Variants in LARS2 observed in about 807,000 individuals in gnomAD.
The protein encoded by LARS2 is leucine--tRNA ligase, mitochondrial.
In LARS2, 81 loss-of-function variants were observed where a neutral mutation model predicts 116.6. The ratio of observed to expected loss-of-function variants is 0.69; its 90% CI spans 0.58 to 0.84. The LOEUF is 0.84. LARS2 is among the 40% of genes least tolerant of loss of function. LARS2 has a pLI of 0.00. For synonymous variants in LARS2, 396 were observed against 407.2 expected (o/e 0.97, Z 0.33); for missense variants, 968 against 1,114.5 (o/e 0.87, Z 1.87).
chr3:45,425,922 C>CTT (rs200594189), intron 6 of LARS2, among the ~76,000 whole-genome samples: 11 of 99,946 alleles, frequency 1.1e-4, no homozygotes, highest in Admixed American at 3.3e-4. Flanking sequence ...CTTTTCTTTT[C>CTT]TTTTTTTTTT....
At chr3:45,480,520 T>C (rs1344148954) in intron 10 of LARS2, among the ~76,000 whole-genome samples, 1 of 152,268 alleles carries the variant, frequency 6.6e-6, no homozygotes, top group African/African-American at 2.4e-5. Flanking sequence ...TTTGCTGTTA[T>C]CTAACTACTA....
In LARS2 at chr3:45,508,352, C is replaced by T. The variant is rs536085025; in HGVS notation, c.1761-4783C>T. Among the ~76,000 whole-genome samples, 3 of 152,132 alleles carry T rather than the reference C, an allele frequency of 2.0e-5. No individual in the cohort carries two copies. In the East Asian group the frequency reaches 5.8e-4, roughly 29 times the overall value. ...AAAAGGAACAGGAAGGGAAGAGAAG[C>T]TTTACTTGGGTCCTGCTGTATTAGT... is the stretch of plus-strand genomic sequence containing the variant. On this transcript the variant is annotated intron_variant, in intron 15 of 21. Coordinates refer to ENST00000645846, the MANE Select transcript of LARS2 (RefSeq NM_015340.4).
chr3:45,543,635 T>C (rs965017141), intron 21 of LARS2, among the ~76,000 whole-genome samples: 1 of 151,966 alleles, frequency 6.6e-6, no homozygotes, highest in African/African-American at 2.4e-5. Flanking sequence ...AGCTAATTTT[T>C]GTATTTTTAG....
At chr3:45,537,768 A>G (rs1291854251) in intron 20 of LARS2, among the ~76,000 whole-genome samples, 1 of 152,188 alleles carries the variant, frequency 6.6e-6, no homozygotes, top group Non-Finnish European at 1.5e-5. Flanking sequence ...GGCCACCAGG[A>G]GAGGACTGCC....
At chr3:45,428,904 G>A (rs1022458292) in intron 6 of LARS2, among the ~76,000 whole-genome samples, 1 of 152,016 alleles carries the variant, frequency 6.6e-6, no homozygotes, top group African/African-American at 2.4e-5. Context: ...ATTTGAGTAT[G>A]TATTGCAGAC....
intron 6 of LARS2, among the ~76,000 whole-genome samples, chr3:45,430,750 A>G (rs1385776119): frequency 2.0e-5 from 3 of 147,028 alleles, no homozygotes; most frequent in Non-Finnish European, 4.5e-5. Context: ...ACGCCGGACT[A>G]ATTTTTTTGT....
Position 45,549,044 on chromosome 3 carries a change from C to G in LARS2, c.*1514C>G, listed in dbSNP as rs1176742561. The G allele has an allele frequency of 1.3e-5, 2 of 152,350 alleles. No individual in the cohort carries two copies. Among genetic ancestry groups the G allele is most frequent in the African/African-American group, 2.4e-5 (1 of 41,588 alleles). 9.4% of individuals were successfully genotyped at this position (152,350 alleles called of 1,614,324 possible). A position where few individuals can be genotyped will look rare whatever the true frequency, so the allele number is the denominator to read the frequency against. Reference sequence around the variant, plus strand: ...AACACTGATACAGGCAAACTAGCAACAGCAATTAAGTCACTGGTTCTCAGA... The same window carrying G: ...AACACTGATACAGGCAAACTAGCAAGAGCAATTAAGTCACTGGTTCTCAGA... On this transcript the variant is annotated 3_prime_UTR_variant, in exon 22 of 22. Transcript: ENST00000645846.
At chr3:45,455,580 A>T (rs558440369) in intron 7 of LARS2, among the ~76,000 whole-genome samples, 1 of 152,122 alleles carries the variant, frequency 6.6e-6, no homozygotes, top group Non-Finnish European at 1.5e-5. Context: ...GGAAAACAGT[A>T]TGGAGGTTCC....
At chr3:45,466,981 G>A (rs1335816537) in intron 8 of LARS2, among the ~76,000 whole-genome samples, 1 of 152,196 alleles carries the variant, frequency 6.6e-6, no homozygotes, top group Non-Finnish European at 1.5e-5. Flanking sequence ...AGAATCATGT[G>A]CAGACAATAG....
intron 6 of LARS2, among the ~76,000 whole-genome samples, chr3:45,445,471 T>C (rs1038347652): frequency 1.3e-5 from 2 of 152,128 alleles, no homozygotes; most frequent in South Asian, 4.1e-4. Context: ...TTGGTGAAGA[T>C]CTTTGTGCAC....
intron 8 of LARS2, among the ~76,000 whole-genome samples, chr3:45,463,617 G>GC (rs762644777): frequency 1.3e-5 from 2 of 151,958 alleles, no homozygotes; most frequent in Non-Finnish European, 2.9e-5. Flanking sequence ...TCAAATCTGA[G>GC]CAGCTGAGCT....
intron 4 of LARS2, among the ~76,000 whole-genome samples, chr3:45,404,056 G>T (rs746921950): frequency 5.3e-5 from 8 of 152,152 alleles, no homozygotes; most frequent in Non-Finnish European, 1.0e-4. Flanking sequence ...TTAGGAAGGT[G>T]ATTCGTCACC....
chr3:45,420,218 A>C (rs1174297956), intron 6 of LARS2, among the ~76,000 whole-genome samples: 1 of 152,230 alleles, frequency 6.6e-6, no homozygotes, highest in Admixed American at 6.5e-5. Context: ...TCAGTGGAGA[A>C]TCAGTGGAGA....
rs1697884074 is a variant in LARS2 at position 45,388,620 on chromosome 3, G to A, written c.-148G>A. On this transcript the variant is annotated 5_prime_UTR_variant, in exon 1 of 22. The change creates a new upstream start codon in the 5' untranslated region. Coordinates refer to ENST00000645846, the MANE Select transcript of LARS2 (RefSeq NM_015340.4). Reference sequence around the variant, plus strand: ...GGCGCCCATGGTCCGTGGCCCGGCAGTGCTCGCCTAAAGGTGGAGAACGAG... The same window carrying A: ...GGCGCCCATGGTCCGTGGCCCGGCAATGCTCGCCTAAAGGTGGAGAACGAG... 6.6e-6 allele frequency: 1 copy of A among 152,302 alleles called. No homozygotes were observed. Among genetic ancestry groups the A allele is most frequent in the East Asian group, 1.9e-4 (1 of 5,188 alleles). 9.4% of individuals were successfully genotyped at this position (152,302 alleles called of 1,614,324 possible).
At position 45,472,760 on chromosome 3, in the gene LARS2, C is replaced by T. The variant is rs867885676; in HGVS notation, c.751-1483C>T. On this transcript the variant is annotated intron_variant, in intron 8 of 21. Coordinates refer to ENST00000645846, the MANE Select transcript of LARS2 (RefSeq NM_015340.4). ...TACATCTTGCTTCAAGTGTTGCTTC[C>T]ACAGCTCTATCCCATACTTGTGGAG... Among the ~76,000 whole-genome samples, 8 of 152,262 alleles carry T rather than the reference C, an allele frequency of 5.3e-5. 1 individual carries two copies. The South Asian group carries it at 1.7e-3, about 32-fold the overall frequency.
At chr3:45,401,471 C>G (rs1698147737) in intron 4 of LARS2, among the ~76,000 whole-genome samples, 1 of 151,964 alleles carries the variant, frequency 6.6e-6, no homozygotes, top group African/African-American at 2.4e-5. Flanking sequence ...TCACTACACT[C>G]CAGCCTGGGC....
chr3:45,507,107 A>G (rs1321472857), intron 15 of LARS2: 1 of 152,046 alleles, frequency 6.6e-6, no homozygotes, highest in Non-Finnish European at 1.5e-5. Flanking sequence ...ACACTGTAAA[A>G]TGTTTCCGTC....
intron 20 of LARS2, chr3:45,541,586 A>T: frequency 2.0e-6 from 1 of 508,346 alleles, no homozygotes; most frequent in Non-Finnish European, 3.5e-6. Context: ...TGCACACTTT[A>T]GAATGGCTTA....
At position 45,444,642 on chromosome 3, in the gene LARS2, C is replaced by T. The variant is rs1293958816; in HGVS notation, c.517-2249C>T. 6.8e-5 allele frequency among the ~76,000 whole-genome samples: 7 copies of T among 102,496 alleles called. No individual in the cohort carries two copies. In the South Asian group the frequency reaches 2.7e-3, roughly 40 times the overall value. The allele number at this position is 102,496 out of a possible 152,430, so 67.2% of individuals were successfully genotyped here. ...TCCCGCCACTGCACTCCAGCCTGGG[C>T]GACAGAGCGAGACTCCGTCTCAAAA... is the stretch of plus-strand genomic sequence containing the variant. On this transcript the variant is annotated intron_variant, in intron 6 of 21. Transcript: ENST00000645846.
Sources: allele counts gnomAD v4.1 joint callset (sites outside exome capture counted in the v4.1 genomes callset), GRCh38; gene constraint gnomAD v4.1.1; transcripts MANE v1.5; gene names NCBI Gene and HGNC (gene_info 2026-07-23, HGNC 2026-07-21).